Variants in DEAF1 observed in about 807,000 individuals in gnomAD.
DEAF1 encodes the protein DEAF1 transcription factor.
Under a neutral mutation model 58.9 loss-of-function variants are expected in DEAF1, and 53 were observed. The observed-to-expected ratio is 0.90, with a 90% CI of 0.72 to 1.13. The LOEUF (loss-of-function observed/expected upper bound fraction) is 1.13. Ranked by LOEUF, DEAF1 falls within the 50% of genes most tolerant of loss-of-function variation. The pLI is 0.00. For synonymous variants in DEAF1, 385 were observed against 340.4 expected (o/e 1.13, Z -1.44); for missense variants, 685 against 791.4 (o/e 0.87, Z 1.61).
At position 673,644 on chromosome 11, in the gene DEAF1, G is replaced by T. The variant is rs11246257; in HGVS notation, c.1503+892C>A. On this transcript the variant is annotated intron_variant, in intron 10 of 11. Coordinates refer to ENST00000382409, the MANE Select transcript of DEAF1 (RefSeq NM_021008.4). ...TTTACAAACCAAAGTCCACGTTACC[G>T]TACCCGAAAAAGCAGCTACAACAAA... Among the ~76,000 whole-genome samples, 580 of 152,242 alleles carry T rather than the reference G, an allele frequency of 3.8e-3. 3 individuals are homozygous for T. Among genetic ancestry groups the T allele is most frequent in the African/African-American group, 0.013 (554 of 41,528 alleles).
intron 6 of DEAF1, among the ~76,000 whole-genome samples, chr11:681,577 G>GT (rs1283049845): frequency 4.0e-5 from 6 of 151,748 alleles, no homozygotes; most frequent in Non-Finnish European, 5.9e-5. Context: ...AGCCTGGCTA[G>GT]TGTTTTGTAT....
chr11:678,491 CA>C, intron 9 of DEAF1: 1 of 696,352 alleles, frequency 1.4e-6, no homozygotes, highest in South Asian at 1.6e-5. Context: ...CCACAGCACA[CA>C]CATGAATGGA....
At position 678,788 on chromosome 11, in the gene DEAF1, G is replaced by A. The variant is rs1168347623; in HGVS notation, c.1161C>T (p.Ala387=). 8 of 1,614,032 alleles carry A rather than the reference G, an allele frequency of 5.0e-6. No homozygotes were observed. In the Admixed American group the frequency reaches 5.0e-5, roughly 10 times the overall value. ...CGGGGTAGTGAGGCTCAGGGTGGCTGGCCCTGCATGGGGGCTGCACGCTGG... is the reference window on the plus strand; with the variant it reads ...CGGGGTAGTGAGGCTCAGGGTGGCTAGCCCTGCATGGGGGCTGCACGCTGG... ...QEASVQPPCR[A]SHPEPHYPGY... is the part of the protein sequence containing the mutation. The change falls in exon 9 of 12, where the codon GCC becomes GCT. Residue 387 remains alanine (A), a synonymous_variant. Coordinates refer to ENST00000382409, the MANE Select transcript of DEAF1 (RefSeq NM_021008.4).
At chr11:691,781 C>G (rs1282508476) in intron 1 of DEAF1, among the ~76,000 whole-genome samples, 183 bp from the exon 2 acceptor site, 1 of 152,170 alleles carries the variant, frequency 6.6e-6, no homozygotes, top group Non-Finnish European at 1.5e-5. Flanking sequence ...CTAAGTCATT[C>G]GGCTCTTCCA....
intron 1 of DEAF1, chr11:704,276 G>T: frequency 1.4e-6 from 1 of 721,470 alleles, no homozygotes; most frequent in South Asian, 1.8e-5. Flanking sequence ...GTGGACTCCT[G>T]AGGGCAGGAG....
intron 1 of DEAF1, chr11:703,291 T>C: frequency 7.0e-7 from 1 of 1,430,996 alleles, no homozygotes; most frequent in Non-Finnish European, 9.2e-7. Flanking sequence ...GTTCCATCTG[T>C]TCTGGCAGGA....
Position 674,624 on chromosome 11 carries a change from G to A in DEAF1, c.1415C>T (p.Thr472Met), listed in dbSNP as rs371112625. Residue 472 changes from threonine (T) to methionine (M), a missense_variant, in exon 10 of 12, where the codon ACG becomes ATG. Physicochemically the swap from Thr to Met is moderately conservative, Grantham distance 81. This residue lies in a region of DEAF1 where 343 missense variants were observed against 379.8 expected (regional missense o/e 0.90). Transcript: ENST00000382409. ...GGCATGCTTGGCTTGCTCAAACAGC[G>A]TCTTCAGCTGCTGCGCTGTGTTGAG... ...SLLNTAQQLK[T>M]LFEQAKHAST... is the part of the protein sequence containing the mutation. 3.5e-5 allele frequency: 56 copies of A among 1,614,030 alleles called. No homozygotes were observed. Among genetic ancestry groups the A allele is most frequent in the East Asian group, 1.6e-4 (7 of 44,894 alleles).
intron 10 of DEAF1, among the ~76,000 whole-genome samples, chr11:660,427 C>T (rs933720882): frequency 2.0e-5 from 3 of 152,248 alleles, no homozygotes; most frequent in African/African-American, 4.8e-5. Flanking sequence ...GACTGCAAAG[C>T]CACCTCTGTG....
intron 10 of DEAF1, among the ~76,000 whole-genome samples, chr11:667,535 G>C (rs1859605295): frequency 1.3e-5 from 2 of 152,032 alleles, no homozygotes; most frequent in South Asian, 4.2e-4. Flanking sequence ...ACCCAGGTAG[G>C]TCATGCCTAT....
chr11:679,910 C>A, intron 7 of DEAF1, 94 bp from the exon 8 acceptor site: 3 of 1,566,734 alleles, frequency 1.9e-6, no homozygotes, highest in Non-Finnish European at 2.6e-6. Flanking sequence ...CTTGTGGGGG[C>A]CTGGGCTGAA....
At chr11:687,051 C>A in intron 4 of DEAF1, 54 bp from the exon 5 acceptor site, 3 of 1,611,026 alleles carry the variant, frequency 1.9e-6, no homozygotes, top group South Asian at 1.1e-5. Context: ...TCACCTCTGC[C>A]ATTGCCTACC....
At chr11:656,194 C>T (rs867798852) in intron 10 of DEAF1, among the ~76,000 whole-genome samples, 2 of 148,422 alleles carry the variant, frequency 1.3e-5, no homozygotes, top group Admixed American at 6.8e-5. Context: ...CTCGCTCTGT[C>T]GCCCAGCCTG....
intron 1 of DEAF1, chr11:704,613 C>T (rs1314559795): frequency 1.6e-6 from 2 of 1,289,270 alleles, no homozygotes. Context: ...GGACCCCCTC[C>T]CTGAAGCTGG....
Position 700,632 on chromosome 11 carries a change from C to T in DEAF1, c.-438+5940G>A, listed in dbSNP as rs758602866. On this transcript the variant is annotated intron_variant, in intron 1 of 11. Coordinates refer to the DEAF1 transcript ENST00000683307. ...CTCTTCAGGTCAGGTGTTCAGCTAT[C>T]CTCACCGCTACCTGGTCCTCGATCT... 1 of 1,613,928 alleles carries T rather than the reference C, an allele frequency of 6.2e-7. No homozygotes were observed. Among genetic ancestry groups the T allele is most frequent in the Non-Finnish European group, 8.5e-7 (1 of 1,180,020 alleles).
chr11:648,109 G>A (rs1858583187), intron 11 of DEAF1, among the ~76,000 whole-genome samples: 1 of 151,902 alleles, frequency 6.6e-6, no homozygotes, highest in African/African-American at 2.4e-5. Context: ...GGGGATTCCT[G>A]TTGGGGCTTC....
chr11:686,050 A>G (rs1382218731), intron 5 of DEAF1, among the ~76,000 whole-genome samples: 1 of 151,336 alleles, frequency 6.6e-6, no homozygotes, highest in Non-Finnish European at 1.5e-5. Flanking sequence ...TGGGAGGCCG[A>G]GGCAGGCAGA....
intron 10 of DEAF1, among the ~76,000 whole-genome samples, chr11:656,509 G>T (rs1224810673): frequency 6.6e-6 from 1 of 152,254 alleles, no homozygotes; most frequent in South Asian, 2.1e-4. Context: ...TCTCGAAGGA[G>T]AACACAGCTT....
At chr11:686,814 C>A (rs768980637) in intron 5 of DEAF1, 44 bp downstream of exon 5, 2 of 1,612,752 alleles carry the variant, frequency 1.2e-6, no homozygotes, top group Non-Finnish European at 1.7e-6. Context: ...GAGGGCCCCA[C>A]GTCTGAACTG....
intron 10 of DEAF1, among the ~76,000 whole-genome samples, chr11:672,447 C>T (rs748919320): frequency 8.5e-5 from 13 of 152,130 alleles, no homozygotes; most frequent in Non-Finnish European, 1.6e-4. Flanking sequence ...AAACCCCTAA[C>T]ATTGAATACG....
Sources: allele counts gnomAD v4.1 joint callset (sites outside exome capture counted in the v4.1 genomes callset), GRCh38; gene constraint gnomAD v4.1.1; regional missense constraint gnomAD v4.1.1; transcripts MANE v1.5; gene names NCBI Gene and HGNC (gene_info 2026-07-23, HGNC 2026-07-21).